The following HMCN1 variants were observed in gnomAD, a reference collection of about 807,000 sequenced individuals.
The protein encoded by HMCN1 is hemicentin 1.
Under a neutral mutation model 625.9 loss-of-function variants are expected in HMCN1, and 321 were observed. The ratio of observed to expected loss-of-function variants is 0.51; its 90% CI spans 0.47 to 0.56. The LOEUF is 0.56. Ranked by LOEUF, HMCN1 falls within the 20% of genes least tolerant of loss-of-function variation. The pLI is 0.00. For synonymous variants in HMCN1, 2,425 were observed against 2,417.6 expected (o/e 1.00, Z -0.09); for missense variants, 6,588 against 6,887.3 (o/e 0.96, Z 1.54).
At chr1:186,091,127 C>T (rs1002654680) in intron 64 of HMCN1, among the ~76,000 whole-genome samples, 13 of 151,892 alleles carry the variant, frequency 8.6e-5, no homozygotes, top group African/African-American at 2.2e-4. Flanking sequence ...GTTTCTCATC[C>T]GTTAACTCTG....
In HMCN1 at chr1:185,750,836, T is replaced by TC. The variant is rs58398602; in HGVS notation, c.268+15796dup. ...GTTGAGTTTTTTTAAAATTCTATTT[T>TC]CCCCCCCTCCCTCCTATTGGCTTAG... On this transcript the variant is annotated intron_variant, in intron 1 of 106. Coordinates refer to ENST00000271588, the MANE Select transcript of HMCN1 (RefSeq NM_031935.3). Among the ~76,000 whole-genome samples, 1,316 of 151,650 alleles carry TC rather than the reference T, an allele frequency of 8.7e-3. 19 individuals carry two copies. Among genetic ancestry groups the TC allele is most frequent in the African/African-American group, 0.029 (1,181 of 41,282 alleles).
At position 186,145,790 on chromosome 1, in the gene HMCN1, G is replaced by A. The variant is rs1234959157; in HGVS notation, c.14475G>A (p.Gln4825=). 1 of 1,614,036 alleles carries A rather than the reference G, an allele frequency of 6.2e-7. No individual in the cohort carries two copies. Among genetic ancestry groups the A allele is most frequent in the Non-Finnish European group, 8.5e-7 (1 of 1,180,016 alleles). ...GGGGAAGCTGGCATAGTTGGAGCCA[G>A]TGCTCTGCCTCCTGTGGAGGAGGTG... The part of the protein sequence containing the change: ...GSWGSWHSWS[Q]CSASCGGGEK... Residue 4825 remains glutamine (Q), a synonymous_variant, in exon 93 of 107, where the codon CAG becomes CAA. Transcript: ENST00000271588.
chr1:185,802,962 G>A (rs1279707307), intron 1 of HMCN1, among the ~76,000 whole-genome samples: 1 of 151,898 alleles, frequency 6.6e-6, no homozygotes, highest in African/African-American at 2.4e-5. Context: ...GGAAAAGAGG[G>A]AGTATTTGGA....
At chr1:185,758,403 A>G (rs1278302477) in intron 1 of HMCN1, among the ~76,000 whole-genome samples, 2 of 152,208 alleles carry the variant, frequency 1.3e-5, no homozygotes, top group East Asian at 3.9e-4. Context: ...TGGGAGGCCA[A>G]GGTGGGTGGC....
intron 36 of HMCN1, among the ~76,000 whole-genome samples, chr1:186,028,724 T>TG (rs1655220307): frequency 1.0e-5 from 1 of 98,756 alleles, no homozygotes; most frequent in African/African-American, 6.0e-5. Flanking sequence ...TTCTAAAGCA[T>TG]ATTTTTTTTT....
intron 104 of HMCN1, among the ~76,000 whole-genome samples, 180 bp from the exon 105 acceptor site, chr1:186,181,984 TTCAG>T (rs1652962059): frequency 6.6e-6 from 1 of 152,226 alleles, no homozygotes; most frequent in Non-Finnish European, 1.5e-5. Context: ...TAGTACTATA[TTCAG>T]TATTTTTATA....
chr1:186,178,782 A>G lies in HMCN1; in HGVS notation c.16294+16A>G. Reference sequence around the variant, plus strand: ...ACATGTGTAGGTAAATGTCAGCCATATTACATTTCCTTTCTGTGGGCTCTC... The same window carrying G: ...ACATGTGTAGGTAAATGTCAGCCATGTTACATTTCCTTTCTGTGGGCTCTC... On this transcript the variant is annotated intron_variant, in intron 104 of 106. Transcript: ENST00000271588. 6.6e-7 allele frequency: 1 copy of G among 1,525,738 alleles called. No homozygotes were observed. Among genetic ancestry groups the G allele is most frequent in the East Asian group, 2.2e-5 (1 of 44,472 alleles). The allele number at this position is 1,525,738 out of a possible 1,614,324, so 94.5% of individuals were successfully genotyped here.
intron 1 of HMCN1, among the ~76,000 whole-genome samples, chr1:185,776,656 G>A (rs555694035): frequency 6.6e-6 from 1 of 152,146 alleles, no homozygotes; most frequent in East Asian, 1.9e-4. Context: ...AATAAATAGG[G>A]TCATTGTGAG....
At chr1:185,921,220 A>G (rs74134212) in intron 6 of HMCN1, among the ~76,000 whole-genome samples, 9,267 of 152,246 alleles carry the variant, frequency 0.061, 961 homozygotes, top group African/African-American at 0.21. Flanking sequence ...CATTTATGCT[A>G]AGAATATAGC....
At chr1:186,026,375 G>T (rs1655055631) in intron 36 of HMCN1, among the ~76,000 whole-genome samples, 1 of 152,134 alleles carries the variant, frequency 6.6e-6, no homozygotes, top group South Asian at 2.1e-4. Flanking sequence ...ATTACTGTAG[G>T]TATGAGAATT....
chr1:186,091,039 T>C (rs1266965501), intron 64 of HMCN1, 122 bp downstream of exon 64: 2 of 1,178,090 alleles, frequency 1.7e-6, no homozygotes, highest in Non-Finnish European at 2.4e-6. Flanking sequence ...TATCATTATA[T>C]TCACAAAGAA....
At chr1:186,057,209 C>T in intron 45 of HMCN1, 25 bp from the exon 46 acceptor site, 1 of 1,594,424 alleles carries the variant, frequency 6.3e-7, no homozygotes, top group African/African-American at 1.3e-5. Flanking sequence ...TTTCCATTCC[C>T]TGTTTGTTTT....
intron 71 of HMCN1, among the ~76,000 whole-genome samples, chr1:186,109,306 T>TACC (rs1342088282): frequency 6.6e-6 from 1 of 152,192 alleles, no homozygotes; most frequent in African/African-American, 2.4e-5. Context: ...ACATAAAGAC[T>TACC]ACCACCACCA....
At position 186,115,537 on chromosome 1, in the gene HMCN1, G is replaced by A; in HGVS notation, c.11561+123G>A. The A allele has an allele frequency of 3.2e-6, 3 of 925,456 alleles. No homozygotes were observed. In the Admixed American group the frequency reaches 6.4e-5, roughly 20 times the overall value. The allele number at this position is 925,456 out of a possible 1,614,324, so 57.3% of individuals were successfully genotyped here. ...TAACAAATTAGCTAGCATATAGAGG[G>A]TTTTTTTCCTTAATATGGACTTAGT... On this transcript the variant is annotated intron_variant, in intron 75 of 106. Coordinates refer to ENST00000271588, the MANE Select transcript of HMCN1 (RefSeq NM_031935.3).
chr1:186,184,859 T>C (rs1041045133), intron 105 of HMCN1, among the ~76,000 whole-genome samples: 37 of 152,230 alleles, frequency 2.4e-4, no homozygotes, highest in Non-Finnish European at 7.3e-5. Context: ...AATATTCTTA[T>C]ATTTAATAGA....
In HMCN1 at chr1:186,068,107, G is replaced by A. The variant is rs75331096; in HGVS notation, c.7879+100G>A. The A allele has an allele frequency of 6.8e-3, 7,704 of 1,134,962 alleles. 44 individuals carry two copies. Among genetic ancestry groups the A allele is most frequent in the Non-Finnish European group, 8.7e-3 (6,544 of 752,742 alleles). The allele number at this position is 1,134,962 out of a possible 1,614,324, so 70.3% of individuals were successfully genotyped here. On this transcript the variant is annotated intron_variant, in intron 50 of 106. Transcript: ENST00000271588. ...CTTTTTATAAAAACACCAATGTTTT[G>A]TTGGTTGTGTTATGTTCTGTGCAGC...
chr1:185,765,424 G>A (rs1318789743), intron 1 of HMCN1, among the ~76,000 whole-genome samples: 2 of 152,170 alleles, frequency 1.3e-5, no homozygotes, highest in East Asian at 3.8e-4. Context: ...TTTAAGATGG[G>A]TGAGTGGTAG....
rs369733314 is a variant in HMCN1, at chr1:186,178,368, T to G, written c.15944-48T>G. On this transcript the variant is annotated intron_variant, in intron 103 of 106. Transcript: ENST00000271588. Reference sequence around the variant, plus strand: ...TCTTTATTCCTGTGTTTTGTGTGTGTATGTATGTGTCTTTTTTTTTCTTTT... The same window carrying G: ...TCTTTATTCCTGTGTTTTGTGTGTGGATGTATGTGTCTTTTTTTTTCTTTT... 36 of 1,284,550 alleles carry G rather than the reference T, an allele frequency of 2.8e-5. No homozygotes were observed. The African/African-American group carries it at 4.5e-4, about 16-fold the overall frequency. 79.6% of individuals were successfully genotyped at this position (1,284,550 alleles called of 1,614,324 possible).
chr1:185,784,506 T>A (rs1178329859), intron 1 of HMCN1, among the ~76,000 whole-genome samples: 1 of 152,012 alleles, frequency 6.6e-6, no homozygotes, highest in Non-Finnish European at 1.5e-5. Flanking sequence ...GCCCCCACTT[T>A]TCTCTTTTTT....
Sources: gnomAD v4.1 joint callset for allele counts (sites outside exome capture counted in the v4.1 genomes callset) on GRCh38, gnomAD v4.1.1 for gene constraint, MANE v1.5 for transcripts, NCBI Gene and HGNC (gene_info 2026-07-23, HGNC 2026-07-21) for gene names.